The following ATRNL1 variants were observed in gnomAD, a reference collection of about 807,000 sequenced individuals.
ATRNL1 encodes the protein attractin-like protein 1.
In ATRNL1, 95 loss-of-function variants were observed where a neutral mutation model predicts 182.7. The observed-to-expected ratio is 0.52, with a 90% CI of 0.44 to 0.62. The LOEUF (loss-of-function observed/expected upper bound fraction) is 0.62. ATRNL1 is among the 20% of genes least tolerant of loss of function. ATRNL1 has a pLI of 0.00. For missense variants in ATRNL1, 1,471 were observed against 1,679.5 expected, an observed-to-expected ratio of 0.88 and a Z score of 2.17; for synonymous variants, 576 against 568.3, an observed-to-expected ratio of 1.01 and a Z score of -0.19.
intron 1 of ATRNL1, among the ~76,000 whole-genome samples, chr10:115,107,993 A>G (rs1030612465): frequency 6.6e-6 from 1 of 152,114 alleles, no homozygotes; most frequent in Non-Finnish European, 1.5e-5. Flanking sequence ...AATGCCTTCA[A>G]GATCTCTTTC....
Position 115,313,247 on chromosome 10 carries a change from T to C in ATRNL1, c.2819-2271T>C, listed in dbSNP as rs560598233. ...GAATTATTTTTCTGGTTCCTTCTTA[T>C]TTCTGTAGGTTCTTATAATTATTTT... On this transcript the variant is annotated intron_variant, in intron 17 of 28. Coordinates refer to ENST00000355044, the MANE Select transcript of ATRNL1 (RefSeq NM_207303.4). 3.4e-4 allele frequency among the ~76,000 whole-genome samples: 51 copies of C among 152,236 alleles called. 1 individual carries two copies. The South Asian group carries it at 0.01, about 30-fold the overall frequency.
At chr10:115,159,296 T>C (rs1554882722) in intron 5 of ATRNL1, among the ~76,000 whole-genome samples, 1 of 151,560 alleles carries the variant, frequency 6.6e-6, no homozygotes, top group African/African-American at 2.4e-5. Flanking sequence ...GATGAAAATA[T>C]ATTCCCTTTA....
chr10:115,871,172 T>C (rs1276745763), intron 28 of ATRNL1, among the ~76,000 whole-genome samples: 2 of 152,052 alleles, frequency 1.3e-5, no homozygotes, highest in East Asian at 3.9e-4. Flanking sequence ...CTCTCAGACA[T>C]ATTTGAAAGC....
At chr10:115,589,130 G>T (rs1855753278) in intron 26 of ATRNL1, among the ~76,000 whole-genome samples, 1 of 152,098 alleles carries the variant, frequency 6.6e-6, no homozygotes, top group Non-Finnish European at 1.5e-5. Flanking sequence ...GTAGATACTG[G>T]AAAGAAGAAT....
At chr10:115,227,080 T>G (rs1849729726) in intron 9 of ATRNL1, among the ~76,000 whole-genome samples, 1 of 152,130 alleles carries the variant, frequency 6.6e-6, no homozygotes, top group African/African-American at 2.4e-5. Context: ...AAGTAGGACC[T>G]AATCAAACTA....
chr10:115,567,038 A>G (rs1004235125), intron 26 of ATRNL1, among the ~76,000 whole-genome samples: 2 of 152,306 alleles, frequency 1.3e-5, no homozygotes, highest in Middle Eastern at 3.4e-3. Flanking sequence ...CAGGACAAAC[A>G]ATGAGTATTT....
intron 24 of ATRNL1, among the ~76,000 whole-genome samples, chr10:115,508,376 A>G (rs1224704074): frequency 1.3e-5 from 2 of 152,054 alleles, no homozygotes; most frequent in Non-Finnish European, 2.9e-5. Context: ...CAGTGTTCAA[A>G]TGAAAAGAAT....
intron 25 of ATRNL1, among the ~76,000 whole-genome samples, chr10:115,544,782 T>C (rs540883613): frequency 6.6e-6 from 1 of 152,272 alleles, no homozygotes; most frequent in East Asian, 1.9e-4. Flanking sequence ...GAAATTCAGA[T>C]GATGGAAATT....
intron 21 of ATRNL1, among the ~76,000 whole-genome samples, chr10:115,454,603 A>G (rs955140615): frequency 6.6e-6 from 1 of 151,970 alleles, no homozygotes; most frequent in African/African-American, 2.4e-5. Flanking sequence ...TTAATGTTCA[A>G]GTCTTTATTC....
intron 8 of ATRNL1, among the ~76,000 whole-genome samples, chr10:115,187,680 T>TC (rs1461256298): frequency 1.3e-5 from 2 of 149,858 alleles, no homozygotes; most frequent in Non-Finnish European, 3.0e-5. Flanking sequence ...GTTTTTTTTT[T>TC]TTTTTTTTTT....
chr10:115,108,481 A>C (rs1554866787), intron 1 of ATRNL1, among the ~76,000 whole-genome samples: 1 of 152,200 alleles, frequency 6.6e-6, no homozygotes, highest in East Asian at 1.9e-4. Context: ...TTTATAGTCC[A>C]GTTTGAGGAG....
chr10:115,252,571 G>C (rs1484667624), intron 10 of ATRNL1, among the ~76,000 whole-genome samples: 1 of 152,232 alleles, frequency 6.6e-6, no homozygotes, highest in East Asian at 1.9e-4. Context: ...TGCAGTGTCA[G>C]ATGATTCAGG....
chr10:115,791,059 A>T (rs1356404621), intron 27 of ATRNL1, among the ~76,000 whole-genome samples: 9 of 152,194 alleles, frequency 5.9e-5, no homozygotes, highest in Non-Finnish European at 1.2e-4. Context: ...GGAAGAATAT[A>T]TTATACATGT....
chr10:115,463,817 G>A (rs1847928086), intron 22 of ATRNL1, among the ~76,000 whole-genome samples: 1 of 151,940 alleles, frequency 6.6e-6, no homozygotes, highest in Non-Finnish European at 1.5e-5. Flanking sequence ...CCATGTTGTA[G>A]CATGTATCGG....
At chr10:115,512,921 T>C (rs1850459634) in intron 24 of ATRNL1, among the ~76,000 whole-genome samples, 1 of 151,966 alleles carries the variant, frequency 6.6e-6, no homozygotes, top group African/African-American at 2.4e-5. Context: ...CTTATTCCTT[T>C]TCCTAGAAAC....
chr10:115,714,668 A>G (rs530516925), intron 26 of ATRNL1, among the ~76,000 whole-genome samples: 2 of 152,258 alleles, frequency 1.3e-5, no homozygotes, highest in Admixed American at 1.3e-4. Context: ...TAGATTCATT[A>G]TTGATTGCTA....
intron 26 of ATRNL1, among the ~76,000 whole-genome samples, chr10:115,722,507 T>C (rs1243300419): frequency 6.6e-6 from 1 of 152,164 alleles, no homozygotes; most frequent in Non-Finnish European, 1.5e-5. Flanking sequence ...CTTTACACCA[T>C]CCTAACATCA....
chr10:115,931,535 C>A (rs1555121625), intron 28 of ATRNL1, among the ~76,000 whole-genome samples: 1 of 152,172 alleles, frequency 6.6e-6, no homozygotes, highest in Non-Finnish European at 1.5e-5. Flanking sequence ...CAGAACACAG[C>A]CCAGAGCCTA....
At chr10:115,859,727 T>A (rs1555103050) in intron 28 of ATRNL1, among the ~76,000 whole-genome samples, 1 of 152,224 alleles carries the variant, frequency 6.6e-6, no homozygotes, top group Non-Finnish European at 1.5e-5. Context: ...TCCCACAGAC[T>A]GTTTAATGGT....
Sources: allele counts gnomAD v4.1 joint callset (sites outside exome capture counted in the v4.1 genomes callset), GRCh38; gene constraint gnomAD v4.1.1; transcripts MANE v1.5; gene names NCBI Gene and HGNC (gene_info 2026-07-23, HGNC 2026-07-21).